The following RANBP2 variants were observed in gnomAD, a reference collection of about 807,000 sequenced individuals.
The protein encoded by RANBP2 is RAN binding protein 2.
RANBP2 carries 57 observed loss-of-function variants against 303.6 expected under a neutral mutation model. The observed-to-expected ratio is 0.19, with a 90% CI of 0.15 to 0.23. RANBP2 has a LOEUF of 0.23. Ranked by LOEUF, RANBP2 falls within the 10% of genes least tolerant of loss-of-function variation. The pLI is 1.00. For missense variants in RANBP2, 3,138 were observed against 3,780.8 expected (o/e 0.83, Z 4.46); for synonymous variants, 1,167 against 1,301.5 (o/e 0.90, Z 2.23).
chr2:109,622,037 T>A, the RANBP2 span, among the ~76,000 whole-genome samples: 1 of 152,218 alleles, frequency 6.6e-6, no homozygotes, highest in East Asian at 1.9e-4. Flanking sequence ...GGTGCTGACA[T>A]GGCAGCAAGA....
the RANBP2 span, among the ~76,000 whole-genome samples, chr2:109,310,656 G>A: frequency 1.7e-5 from 1 of 58,282 alleles, no homozygotes; most frequent in Non-Finnish European, 2.7e-5. Flanking sequence ...ATGATAAAGG[G>A]GATATCACCA....
the RANBP2 span, chr2:109,490,678 C>A: frequency 2.0e-6 from 3 of 1,524,068 alleles, no homozygotes; most frequent in African/African-American, 4.1e-5. Flanking sequence ...TCCCCGCCAT[C>A]TGTGTCTCCA....
the RANBP2 span, among the ~76,000 whole-genome samples, chr2:109,680,503 T>C: frequency 6.6e-6 from 1 of 152,224 alleles, no homozygotes; most frequent in African/African-American, 2.4e-5. Context: ...CATCCCTGTG[T>C]CTCATGTGTA....
At chr2:109,171,743 T>C in the RANBP2 span, among the ~76,000 whole-genome samples, 3 of 152,256 alleles carry the variant, frequency 2.0e-5, no homozygotes, top group African/African-American at 7.2e-5. Flanking sequence ...GCTGCCCTCC[T>C]GGTGCCCACG....
the RANBP2 span, chr2:109,128,667 G>C: frequency 1.9e-5 from 3 of 160,672 alleles, no homozygotes; most frequent in Admixed American, 1.3e-4. Flanking sequence ...GAGGATGCCC[G>C]GGCGTCGGCT....
chr2:109,281,355 T>C, the RANBP2 span, among the ~76,000 whole-genome samples: 6 of 152,302 alleles, frequency 3.9e-5, no homozygotes, highest in East Asian at 1.2e-3. Context: ...GGAATTCTAC[T>C]CTTGGGACTT....
chr2:109,484,802 G>T, the RANBP2 span, among the ~76,000 whole-genome samples: 2 of 152,308 alleles, frequency 1.3e-5, no homozygotes, highest in East Asian at 3.9e-4. Flanking sequence ...TCGAGGCCCT[G>T]TTTATTTCTG....
At chr2:109,703,576 G>A in the RANBP2 span, among the ~76,000 whole-genome samples, 13 of 152,214 alleles carry the variant, frequency 8.5e-5, no homozygotes, top group East Asian at 2.3e-3. Flanking sequence ...TTACAGGCAC[G>A]TGCCACCACG....
chr2:109,176,116 G>T, the RANBP2 span, among the ~76,000 whole-genome samples: 2 of 152,296 alleles, frequency 1.3e-5, no homozygotes, highest in East Asian at 3.9e-4. Context: ...TGCATTTCCT[G>T]GGTGTCTGCC....
the RANBP2 span, chr2:109,733,120 G>A: frequency 9.3e-6 from 5 of 536,890 alleles, no homozygotes; most frequent in Non-Finnish European, 1.9e-5. Context: ...CGCTGTCTCG[G>A]GAGAGAAATC....
the RANBP2 span, chr2:109,614,203 A>G: frequency 9.3e-7 from 1 of 1,079,398 alleles, no homozygotes; most frequent in Non-Finnish European, 1.2e-6. Flanking sequence ...CGAGGCCGGA[A>G]GTGGGCGGGC....
the RANBP2 span, among the ~76,000 whole-genome samples, chr2:108,920,137 C>T: frequency 2.6e-5 from 4 of 152,252 alleles, no homozygotes; most frequent in Non-Finnish European, 4.4e-5. Flanking sequence ...GAAGTGCAGG[C>T]CAGCTCACGT....
the RANBP2 span, among the ~76,000 whole-genome samples, chr2:109,640,097 A>T: frequency 6.8e-6 from 1 of 146,028 alleles, no homozygotes; most frequent in African/African-American, 2.5e-5. Context: ...TCTGCCTTCT[A>T]TTTTTTTTTT....
the RANBP2 span, among the ~76,000 whole-genome samples, chr2:109,444,922 CAT>C: frequency 1.3e-5 from 2 of 151,944 alleles, no homozygotes; most frequent in Non-Finnish European, 1.5e-5. Context: ...GAAGGAATAA[CAT>C]ATACACACAC....
chr2:108,923,380 T>TG, the RANBP2 span: 1 of 1,614,110 alleles, frequency 6.2e-7, no homozygotes, highest in East Asian at 2.2e-5. Flanking sequence ...TCCTTGGTGT[T>TG]GGGGGGTGCC....
the RANBP2 span, among the ~76,000 whole-genome samples, chr2:109,477,278 C>T: frequency 2.0e-5 from 3 of 152,228 alleles, no homozygotes; most frequent in South Asian, 2.1e-4. Flanking sequence ...AGTCACTCCC[C>T]GTTCCTGCAC....
At chr2:109,449,465 A>G in the RANBP2 span, 1 of 1,613,956 alleles carries the variant, frequency 6.2e-7, no homozygotes, top group Non-Finnish European at 8.5e-7. Flanking sequence ...CGGGATGCAA[A>G]CTAGACGAGA....
chr2:109,377,394 AAAGGCC>A, the RANBP2 span, among the ~76,000 whole-genome samples: 14 of 152,274 alleles, frequency 9.2e-5, no homozygotes, highest in Non-Finnish European at 1.6e-4. Context: ...TAACCCAGAA[AAAGGCC>A]ATAGCGTCAG....
At chr2:108,736,818 T>G (rs1173770156) in intron 6 of RANBP2, among the ~76,000 whole-genome samples, 2 of 152,156 alleles carry the variant, frequency 1.3e-5, no homozygotes, top group Non-Finnish European at 2.9e-5. Context: ...GATGTTAGTT[T>G]AGAGCAGGGG....
Sources: allele counts gnomAD v4.1 joint callset (sites outside exome capture counted in the v4.1 genomes callset), GRCh38; gene constraint gnomAD v4.1.1; transcripts MANE v1.5; gene names NCBI Gene and HGNC (gene_info 2026-07-23, HGNC 2026-07-21).